Variants in GCLC observed in about 807,000 individuals in gnomAD.
The protein encoded by GCLC is glutamate-cysteine ligase catalytic subunit, also known as glutamate--cysteine ligase catalytic subunit.
Under a neutral mutation model 81.5 loss-of-function variants are expected in GCLC, and 30 were observed. The ratio of observed to expected loss-of-function variants is 0.37; its 90% CI spans 0.28 to 0.50. The LOEUF is 0.50. Ranked by LOEUF, GCLC falls within the 20% of genes least tolerant of loss-of-function variation. The pLI is 0.96. For synonymous variants in GCLC, 262 were observed against 273.3 expected (o/e 0.96, Z 0.41); for missense variants, 556 against 777.4 (o/e 0.72, Z 3.39).
chr6:53,516,283 T>C (rs1764870362), intron 3 of GCLC, 61 bp from the exon 4 acceptor site: 1 of 1,104,006 alleles, frequency 9.1e-7, no homozygotes, highest in Non-Finnish European at 1.4e-6. Flanking sequence ...TTGTGTGCAG[T>C]CTTGCCATCA....
intron 1 of GCLC, among the ~76,000 whole-genome samples, chr6:53,537,045 T>C (rs975615081): frequency 2.0e-5 from 3 of 152,218 alleles, no homozygotes; most frequent in Non-Finnish European, 4.4e-5. Flanking sequence ...CACAATAACC[T>C]TCACATACTA....
intron 12 of GCLC, among the ~76,000 whole-genome samples, chr6:53,501,831 T>TA (rs1446331264): frequency 6.6e-6 from 1 of 152,244 alleles, no homozygotes; most frequent in Non-Finnish European, 1.5e-5. Context: ...CGACCACTTA[T>TA]AATTTGTGCT....
At position 53,516,117 on chromosome 6, in the gene GCLC, A is replaced by G. The variant is rs1188578449; in HGVS notation, c.552T>C (p.Pro184=). 2 of 1,598,208 alleles carry G rather than the reference A, an allele frequency of 1.3e-6. No individual in the cohort carries two copies. The highest frequency in any genetic ancestry group is 1.7e-6 in the Non-Finnish European group (2 of 1,165,516). ...CACAAAGCCATACTCACCTGAAGCGAGGGTGCTTGTTTATTGCTTCATCTG... is the reference window on the plus strand; with the variant it reads ...CACAAAGCCATACTCACCTGAAGCGGGGGTGCTTGTTTATTGCTTCATCTG... ...FFPDEAINKH[P]RFSTLTRNIR... The change falls in exon 4 of 16, where the codon CCT becomes CCC. Residue 184 remains proline, a synonymous_variant. Transcript: ENST00000650454.
chr6:53,508,831 T>C, intron 7 of GCLC, 120 bp from the exon 8 acceptor site: 1 of 557,676 alleles, frequency 1.8e-6, no homozygotes. Context: ...ACAGAGCACA[T>C]GTACCTGTGC....
At chr6:53,543,006 C>T (rs1025704087) in intron 1 of GCLC, among the ~76,000 whole-genome samples, 3 of 151,768 alleles carry the variant, frequency 2.0e-5, no homozygotes, top group Admixed American at 6.6e-5. Context: ...AAGATTCTGT[C>T]TCAAAAAAAA....
chr6:53,522,591 GA>G, intron 1 of GCLC, 64 bp from the exon 2 acceptor site: 1 of 989,886 alleles, frequency 1.0e-6, no homozygotes, highest in Non-Finnish European at 1.6e-6. Flanking sequence ...GTGGCCTCCA[GA>G]AGAAAAAGGC....
intron 1 of GCLC, among the ~76,000 whole-genome samples, chr6:53,533,263 T>C (rs778148780): frequency 2.6e-5 from 4 of 152,226 alleles, no homozygotes; most frequent in Non-Finnish European, 5.9e-5. Context: ...AAACATCATA[T>C]GAAATGTAAA....
chr6:53,508,233 A>G (rs951427216), intron 8 of GCLC, among the ~76,000 whole-genome samples: 2 of 152,158 alleles, frequency 1.3e-5, no homozygotes, highest in Non-Finnish European at 2.9e-5. Flanking sequence ...AAGAGGTGCC[A>G]TCTCACCCTT....
rs761660953 is a variant in GCLC at position 53,514,245 on chromosome 6, T to A, written c.712A>T (p.Met238Leu). The change falls in exon 6 of 16, where the codon ATG becomes TTG. Residue 238 changes from methionine to leucine, a missense_variant. Met to Leu is a conservative substitution (Grantham distance 15). Coordinates refer to ENST00000650454, the MANE Select transcript of GCLC (RefSeq NM_001498.4). The part of the protein sequence containing the change: ...SRASKPDHIY[M>L]DAMGFGMGNC... ...CCCATTCCAAATCCCATGGCATCCA[T>A]GTAAATATGATCCGGCTTAGAAGCC... 1.9e-6 allele frequency: 3 copies of A among 1,613,880 alleles called. No homozygotes were observed. The South Asian group carries it at 3.3e-5, about 18-fold the overall frequency.
intron 4 of GCLC, 138 bp from the exon 5 acceptor site, chr6:53,514,635 CTG>C: frequency 1.3e-6 from 1 of 750,222 alleles, no homozygotes; most frequent in Admixed American, 1.9e-5. Flanking sequence ...GAAAATGTAT[CTG>C]TGGTGTCAAG....
intron 1 of GCLC, among the ~76,000 whole-genome samples, chr6:53,526,386 T>C (rs563659762): frequency 6.6e-6 from 1 of 152,328 alleles, no homozygotes; most frequent in Admixed American, 6.5e-5. Flanking sequence ...TACAAGCTTT[T>C]AGGATTTAAG....
In GCLC at chr6:53,497,953, T is replaced by C. The variant is rs1348430982; in HGVS notation, c.*803A>G. ...TTTTTGACAATATCCTTTGTATGTA[T>C]AGGAAGAAAAATGATTGCCACCCCC... On this transcript the variant is annotated 3_prime_UTR_variant, in exon 16 of 16. Transcript: ENST00000650454. 1.3e-5 allele frequency: 2 copies of C among 152,154 alleles called. No individual in the cohort carries two copies. Among genetic ancestry groups the C allele is most frequent in the Non-Finnish European group, 2.9e-5 (2 of 68,012 alleles). 9.4% of individuals were successfully genotyped at this position (152,154 alleles called of 1,614,324 possible). A position where few individuals can be genotyped will look rare whatever the true frequency, so the allele number is the denominator to read the frequency against.
intron 6 of GCLC, among the ~76,000 whole-genome samples, chr6:53,511,302 T>TA (rs912002153): frequency 6.6e-6 from 1 of 152,084 alleles, no homozygotes; most frequent in Admixed American, 6.6e-5. Flanking sequence ...ATTGAGATTT[T>TA]AAAAAAACCA....
In GCLC at chr6:53,506,845, TAAA is replaced by T; in HGVS notation, c.1197+65_1197+67del. ...GTTGGTTTGTGAAGTGAAATGCATA[TAAA>T]ACAGAGGATTCCAGACTCTCAGAAG... is the stretch of plus-strand genomic sequence containing the variant. On this transcript the variant is annotated intron_variant, in intron 10 of 15. Coordinates refer to ENST00000650454, the MANE Select transcript of GCLC (RefSeq NM_001498.4). The surrounding 1 kb of genome is among the most constrained non-coding windows in gnomAD (Gnocchi z 4.0). 1 of 860,638 alleles carries T rather than the reference TAAA, an allele frequency of 1.2e-6. No homozygotes were observed. The highest frequency in any genetic ancestry group is 2.0e-6 in the Non-Finnish European group (1 of 511,136). The allele number at this position is 860,638 out of a possible 1,614,324, so 53.3% of individuals were successfully genotyped here.
intron 12 of GCLC, chr6:53,500,927 T>A (rs181151437): frequency 3.2e-6 from 1 of 308,360 alleles, no homozygotes. Context: ...TCTTCTTCTG[T>A]TTTTTTGAGA....
At chr6:53,501,580 C>T (rs1764514955) in intron 12 of GCLC, among the ~76,000 whole-genome samples, 1 of 152,206 alleles carries the variant, frequency 6.6e-6, no homozygotes, top group African/African-American at 2.4e-5. Context: ...GAGGGCCAGG[C>T]TGACATGGGA....
chr6:53,515,881 C>A (rs1411126692), intron 4 of GCLC, among the ~76,000 whole-genome samples: 2 of 152,188 alleles, frequency 1.3e-5, no homozygotes, highest in South Asian at 4.1e-4. Context: ...AACTTTGTGA[C>A]GACTTGGAGA....
chr6:53,514,360 T>G (rs766477165), intron 5 of GCLC, 23 bp from the exon 6 acceptor site: 4 of 1,590,280 alleles, frequency 2.5e-6, no homozygotes, highest in Non-Finnish European at 3.5e-6. Flanking sequence ...AATACAAAAA[T>G]AAAAATGGTT....
In GCLC at chr6:53,498,324, A is replaced by G; in HGVS notation, c.*432T>C. 5.7e-6 allele frequency: 1 copy of G among 175,830 alleles called. No individual in the cohort carries two copies. The highest frequency in any genetic ancestry group is 1.2e-5 in the Non-Finnish European group (1 of 82,084). The allele number at this position is 175,830 out of a possible 1,614,324, so 10.9% of individuals were successfully genotyped here. On this transcript the variant is annotated 3_prime_UTR_variant, in exon 16 of 16. Transcript: ENST00000650454. ...CAAAGGAAATGACAAAGGAAAATTAACGAGAGAAAATGTTTTTAAAGAGAA... is the reference window on the plus strand; with the variant it reads ...CAAAGGAAATGACAAAGGAAAATTAGCGAGAGAAAATGTTTTTAAAGAGAA...
Sources: gnomAD v4.1 joint callset for allele counts (sites outside exome capture counted in the v4.1 genomes callset) on GRCh38, gnomAD v4.1.1 for gene constraint, Gnocchi (gnomAD v3.1) non-coding constraint, MANE v1.5 for transcripts, NCBI Gene and HGNC (gene_info 2026-07-23, HGNC 2026-07-21) for gene names.